PPP2R1B: variants seen among roughly 807,000 people sequenced by gnomAD.
PPP2R1B encodes serine/threonine-protein phosphatase 2A 65 kDa regulatory subunit A beta isoform.
Under a neutral mutation model 72.7 loss-of-function variants are expected in PPP2R1B, and 58 were observed. The observed-to-expected ratio is 0.80, with a 90% CI of 0.65 to 0.99. The LOEUF is 0.99. Ranked by LOEUF, PPP2R1B falls within the 50% of genes least tolerant of loss-of-function variation. The probability of loss-of-function intolerance (pLI) is 0.00; values close to 1 mark genes in which losing one functional copy is unlikely to be tolerated. For missense variants in PPP2R1B, 695 were observed against 733.6 expected, an observed-to-expected ratio of 0.95 and a Z score of 0.61; for synonymous variants, 256 against 264.6, an observed-to-expected ratio of 0.97 and a Z score of 0.32.
At position 111,737,962 on chromosome 11, in the gene PPP2R1B, TC is replaced by T; in HGVS notation, c.*3633del. On this transcript the variant is annotated 3_prime_UTR_variant, in exon 15 of 15. Coordinates refer to ENST00000527614, the MANE Select transcript of PPP2R1B (RefSeq NM_002716.5). ...GACGCAATGAGTAATTAAACTCTAT[TC>T]GTCCTCCGGAAGATTTCCATCCCAA... 9.8e-7 allele frequency: 1 copy of T among 1,022,874 alleles called. No homozygotes were observed. The highest frequency in any genetic ancestry group is 1.2e-6 in the Non-Finnish European group (1 of 851,578). 63.4% of individuals were successfully genotyped at this position (1,022,874 alleles called of 1,614,324 possible).
Position 111,755,361 on chromosome 11 carries a change from T to C in PPP2R1B, c.777A>G (p.Thr259=), listed in dbSNP as rs998019580. ...QDDLETLVMP[T]LRQAAEDKSW... is the part of the protein sequence containing the mutation. The stretch of plus-strand genomic sequence containing the variant: ...ATTTATCTTCTGCTGCTTGTCGAAG[T>C]GTAGGCATCACCAAAGTCTCAAGGT... The change falls in exon 6 of 15, where the codon ACA becomes ACG. Residue 259 remains threonine, a synonymous_variant. Coordinates refer to ENST00000527614, the MANE Select transcript of PPP2R1B (RefSeq NM_002716.5). The C allele has an allele frequency of 1.2e-6, 2 of 1,613,880 alleles. No homozygotes were observed. The highest frequency in any genetic ancestry group is 1.7e-6 in the Non-Finnish European group (2 of 1,179,984).
At position 111,742,092 on chromosome 11, in the gene PPP2R1B, C is replaced by T; in HGVS notation, c.1750G>A (p.Asp584Asn). 1.9e-6 allele frequency: 3 copies of T among 1,613,976 alleles called. No homozygotes were observed. Among genetic ancestry groups the T allele is most frequent in the Non-Finnish European group, 2.5e-6 (3 of 1,179,886 alleles). ...TGTGCAAAGTATTTGACATCCATGT[C>T]TTCATCTTGACCTAACTTCTGTAGT... ...PVLQKLGQDE[D>N]MDVKYFAQEA... is the part of the protein sequence containing the mutation. Residue 584 changes from aspartate to asparagine, a missense_variant, in exon 14 of 15, where the codon GAC becomes AAC. Physicochemically the swap from Asp to Asn is conservative, Grantham distance 23. Coordinates refer to ENST00000527614, the MANE Select transcript of PPP2R1B (RefSeq NM_002716.5).
the PPP2R1B span, among the ~76,000 whole-genome samples, chr11:111,695,049 G>A: frequency 1.3e-5 from 2 of 152,138 alleles, no homozygotes; most frequent in Non-Finnish European, 2.9e-5. Context: ...ATGCATTGAC[G>A]TCAGTGTTGG....
At chr11:111,742,288 T>A (rs1172889007) in intron 13 of PPP2R1B, 144 bp from the exon 14 acceptor site, 2 of 802,066 alleles carry the variant, frequency 2.5e-6, no homozygotes, top group African/African-American at 3.5e-5. Context: ...CAAAATAATG[T>A]CTAAAGAAAT....
chr11:111,765,798 C>T (rs782797304), intron 1 of PPP2R1B: 1 of 474,478 alleles, frequency 2.1e-6, no homozygotes, highest in South Asian at 1.5e-5. Context: ...CGCTTTCTAC[C>T]CAACAAGCCG....
chr11:111,709,938 G>A, the PPP2R1B span, among the ~76,000 whole-genome samples: 1 of 152,216 alleles, frequency 6.6e-6, no homozygotes, highest in Non-Finnish European at 1.5e-5. Context: ...GCTAGTGAGA[G>A]TCAGGGACGG....
intron 15 of PPP2R1B, chr11:111,729,452 G>A (rs1411210825): frequency 1.3e-5 from 2 of 152,234 alleles, no homozygotes; most frequent in Non-Finnish European, 2.9e-5. Flanking sequence ...TAGCTGGGGA[G>A]ATACTGTCCT....
At chr11:111,763,945 A>T (rs782441099) in intron 3 of PPP2R1B, among the ~76,000 whole-genome samples, 3 of 152,154 alleles carry the variant, frequency 2.0e-5, no homozygotes, top group Non-Finnish European at 2.9e-5. Flanking sequence ...CTAGAGACAG[A>T]AATCACAAGA....
chr11:111,758,249 A>T (rs782285407), intron 5 of PPP2R1B, among the ~76,000 whole-genome samples: 1 of 152,250 alleles, frequency 6.6e-6, no homozygotes, highest in Non-Finnish European at 1.5e-5. Flanking sequence ...AGCTTACATT[A>T]TATTTCTGTT....
chr11:111,688,046 G>A, the PPP2R1B span: 33 of 1,614,140 alleles, frequency 2.0e-5, no homozygotes, highest in Admixed American at 1.0e-4. This position sits in a 1 kb window ranked among gnomAD's most constrained non-coding sequence, Gnocchi z 4.2. Context: ...GAAGCCAGGC[G>A]AAAATTCTGG....
intron 11 of PPP2R1B, 28 bp from the exon 12 acceptor site, chr11:111,743,558 C>T: frequency 6.3e-7 from 1 of 1,582,298 alleles, no homozygotes; most frequent in Non-Finnish European, 8.6e-7. Flanking sequence ...AACATGTTCT[C>T]ATATCGCTTA....
In PPP2R1B at chr11:111,742,037, A is replaced by T; in HGVS notation, c.1789+16T>A. On this transcript the variant is annotated intron_variant, in intron 14 of 14. Transcript: ENST00000527614. ...ACCAAGGCATAAGCTGCAAGGCAAA[A>T]GAAGGAAATACATACCACTTATAGC... is the stretch of plus-strand genomic sequence containing the variant. 6.3e-7 allele frequency: 1 copy of T among 1,597,228 alleles called. No homozygotes were observed. Among genetic ancestry groups the T allele is most frequent in the Non-Finnish European group, 8.6e-7 (1 of 1,164,562 alleles).
Position 111,739,956 on chromosome 11 carries a change from TC to T in PPP2R1B, c.*1639del. 1.0e-6 allele frequency: 1 copy of T among 979,712 alleles called. No homozygotes were observed. The highest frequency in any genetic ancestry group is 4.7e-5 in the South Asian group (1 of 21,144). The allele number at this position is 979,712 out of a possible 1,614,324, so 60.7% of individuals were successfully genotyped here. ...ACCTCTGATTTACAATTTCTATTTT[TC>T]GAATGTAGGACAAATTTTAAAGTAT... On this transcript the variant is annotated 3_prime_UTR_variant, in exon 15 of 15. Coordinates refer to ENST00000527614, the MANE Select transcript of PPP2R1B (RefSeq NM_002716.5).
At chr11:111,766,146 T>C in intron 1 of PPP2R1B, 102 bp downstream of exon 1, 1 of 1,104,050 alleles carries the variant, frequency 9.1e-7, no homozygotes, top group South Asian at 1.3e-5. Flanking sequence ...CGAGTCCGAC[T>C]CATTCAGTAC....
In PPP2R1B at chr11:111,742,130, T is replaced by G; in HGVS notation, c.1712A>C (p.Glu571Ala). Residue 571 changes from glutamate (E) to alanine (A), a missense_variant, in exon 14 of 15, where the codon GAA (glutamate) becomes GCA (alanine). Physicochemically the swap from Glu to Ala is moderately radical, Grantham distance 107. Coordinates refer to ENST00000527614, the MANE Select transcript of PPP2R1B (RefSeq NM_002716.5). ...TAACTTCTGTAGTACTGGCTTCACT[T>G]CTCCCTGTAAAGCACTGACATTCAA... The part of the protein sequence containing the change: ...PILDTNALQG[E>A]VKPVLQKLGQ... The G allele has an allele frequency of 1.9e-6, 3 of 1,612,738 alleles. No homozygotes were observed. The highest frequency in any genetic ancestry group is 2.5e-6 in the Non-Finnish European group (3 of 1,178,912).
At chr11:111,737,300 C>T (rs935594155), downstream of PPP2R1B, 9 of 1,203,020 alleles carry the variant, frequency 7.5e-6, no homozygotes, top group African/African-American at 1.5e-5. Flanking sequence ...CATCTACTCC[C>T]GGCCCTTAAA....
chr11:111,720,513 G>A, the PPP2R1B span: 2 of 1,611,222 alleles, frequency 1.2e-6, no homozygotes, highest in Non-Finnish European at 1.7e-6. Flanking sequence ...CCCCTCCCTT[G>A]ACAGTGTGGA....
At chr11:111,734,697 G>T (rs1159527630), downstream of PPP2R1B, among the ~76,000 whole-genome samples, 1 of 152,244 alleles carries the variant, frequency 6.6e-6, no homozygotes, top group Non-Finnish European at 1.5e-5. Flanking sequence ...AGTTTGACTG[G>T]ACTCACATCT....
downstream of PPP2R1B, chr11:111,724,409 A>G (rs2135982390): frequency 2.2e-6 from 1 of 452,812 alleles, no homozygotes; most frequent in East Asian, 4.0e-5. Flanking sequence ...AGCACTGACA[A>G]ATGTGTTCCT....
Sources: allele counts gnomAD v4.1 joint callset (sites outside exome capture counted in the v4.1 genomes callset), GRCh38; gene constraint gnomAD v4.1.1; non-coding constraint Gnocchi (gnomAD v3.1); transcripts MANE v1.5; gene names NCBI Gene and HGNC (gene_info 2026-07-23, HGNC 2026-07-21).